Variants in KSR2 observed in about 807,000 individuals in gnomAD.
The protein encoded by KSR2 is kinase suppressor of ras 2.
Under a neutral mutation model 107.8 loss-of-function variants are expected in KSR2, and 25 were observed. The observed-to-expected ratio is 0.23, with a 90% CI of 0.17 to 0.32. The LOEUF (loss-of-function observed/expected upper bound fraction) is 0.32, where lower values mean the gene tolerates loss of function less well. KSR2 is among the 10% of genes least tolerant of loss of function. The probability of loss-of-function intolerance (pLI) is 1.00; values close to 1 mark genes in which losing one functional copy is unlikely to be tolerated. For missense variants in KSR2, 887 were observed against 1,268.9 expected (o/e 0.70, Z 4.57); for synonymous variants, 480 against 507.0 (o/e 0.95, Z 0.71).
At chr12:117,492,623 G>A (rs1592924854) in intron 14 of KSR2, among the ~76,000 whole-genome samples, 1 of 152,226 alleles carries the variant, frequency 6.6e-6, no homozygotes, top group Non-Finnish European at 1.5e-5. Context: ...TGGAACTGGT[G>A]AAAATTTACC....
intron 4 of KSR2, among the ~76,000 whole-genome samples, chr12:117,753,398 A>G (rs1297619601): frequency 6.6e-6 from 1 of 152,196 alleles, no homozygotes; most frequent in Non-Finnish European, 1.5e-5. Flanking sequence ...AGGTGATTTC[A>G]GCCCCATTGA....
In KSR2 at chr12:117,501,730, T is replaced by A. The variant is rs140695385; in HGVS notation, c.2220-16039A>T. Among the ~76,000 whole-genome samples, 306 of 152,344 alleles carry A rather than the reference T, an allele frequency of 2.0e-3. 1 individual carries two copies. Among genetic ancestry groups the A allele is most frequent in the African/African-American group, 7.0e-3 (293 of 41,580 alleles). ...AAATAAGGGAGCTTATCTGCAAGCC[T>A]GTGTTACGCAAGGTGGAGACAGACT... On this transcript the variant is annotated intron_variant, in intron 14 of 19. Coordinates refer to ENST00000339824, the MANE Select transcript of KSR2 (RefSeq NM_173598.6).
At chr12:117,922,924 C>G (rs762466381) in intron 1 of KSR2, among the ~76,000 whole-genome samples, 6 of 152,214 alleles carry the variant, frequency 3.9e-5, no homozygotes, top group Non-Finnish European at 8.8e-5. Context: ...TCACGGTCAT[C>G]TGGGGACATA....
At chr12:117,912,670 C>T (rs866953849) in intron 1 of KSR2, among the ~76,000 whole-genome samples, 4 of 152,266 alleles carry the variant, frequency 2.6e-5, no homozygotes, top group Middle Eastern at 3.4e-3. Context: ...GGTGGGATTA[C>T]GGGACTCTGT....
intron 2 of KSR2, among the ~76,000 whole-genome samples, chr12:117,858,858 G>A (rs1893187145): frequency 1.3e-5 from 2 of 152,324 alleles, no homozygotes; most frequent in East Asian, 3.9e-4. Flanking sequence ...TTGCGAGGAG[G>A]CTGAACAGTC....
At chr12:117,866,038 C>CTTT (rs397838492) in intron 1 of KSR2, among the ~76,000 whole-genome samples, 3 of 124,232 alleles carry the variant, frequency 2.4e-5, no homozygotes, top group African/African-American at 8.9e-5. Flanking sequence ...TAATCTCTCT[C>CTTT]TTTTTTTTTT....
chr12:117,505,754 T>C (rs1347136207), intron 14 of KSR2, among the ~76,000 whole-genome samples: 1 of 152,222 alleles, frequency 6.6e-6, no homozygotes, highest in African/African-American at 2.4e-5. Context: ...ATTTGAAGTT[T>C]TGCAAATGTG....
At chr12:117,580,774 G>A (rs376764491) in intron 6 of KSR2, among the ~76,000 whole-genome samples, 8 of 152,190 alleles carry the variant, frequency 5.3e-5, no homozygotes, top group African/African-American at 1.9e-4. Context: ...GAGCCTGGGG[G>A]CTGGACGATC....
chr12:117,849,374 C>G (rs1352807447), intron 3 of KSR2, among the ~76,000 whole-genome samples: 2 of 152,172 alleles, frequency 1.3e-5, no homozygotes, highest in Non-Finnish European at 2.9e-5. Context: ...ATCAGAAGAG[C>G]ACCTGGCATA....
chr12:117,489,530 C>T (rs973628572), intron 14 of KSR2, among the ~76,000 whole-genome samples: 9 of 126,662 alleles, frequency 7.1e-5, no homozygotes, highest in Non-Finnish European at 1.4e-4. Context: ...CTGGGTGACA[C>T]AGAGTGAGAC....
Position 117,966,611 on chromosome 12 carries a change from T to TCACACACA in KSR2, c.180+1464_180+1465insTGTGTGTG, listed in dbSNP as rs1377075943. On this transcript the variant is annotated intron_variant, in intron 1 of 19. Coordinates refer to ENST00000339824, the MANE Select transcript of KSR2 (RefSeq NM_173598.6). ...ACAGCATGTTCTCTCTCTCTCTCTCTCACACGCGCACGCACACACACACAC... is the reference window on the plus strand; with the variant it reads ...ACAGCATGTTCTCTCTCTCTCTCTCTCACACACACACACGCGCACGCACACACACACAC... 1.6e-3 allele frequency among the ~76,000 whole-genome samples: 122 copies of TCACACACA among 77,250 alleles called. 1 individual carries two copies. Among genetic ancestry groups the TCACACACA allele is most frequent in the African/African-American group, 5.9e-3 (120 of 20,320 alleles). The allele number at this position is 77,250 out of a possible 152,430, so 50.7% of individuals were successfully genotyped here.
At chr12:117,878,059 C>T (rs1288224700) in intron 1 of KSR2, among the ~76,000 whole-genome samples, 3 of 148,518 alleles carry the variant, frequency 2.0e-5, no homozygotes, top group Non-Finnish European at 4.5e-5. Context: ...GTGGAGAGGG[C>T]AGCTTTGAGT....
chr12:117,855,687 T>G, intron 2 of KSR2, 109 bp from the exon 3 acceptor site: 1 of 1,097,374 alleles, frequency 9.1e-7, no homozygotes, highest in South Asian at 1.4e-5. Context: ...GTAAACGCTT[T>G]GCATGACAGT....
At chr12:117,496,052 CAAAAAAA>C (rs33974181) in intron 14 of KSR2, among the ~76,000 whole-genome samples, 2 of 113,222 alleles carry the variant, frequency 1.8e-5, no homozygotes, top group Admixed American at 9.2e-5. Context: ...GACTCCGTCT[CAAAAAAA>C]AAAAAAAAAA....
At chr12:117,500,271 G>A (rs1440474819) in intron 14 of KSR2, among the ~76,000 whole-genome samples, 1 of 152,176 alleles carries the variant, frequency 6.6e-6, no homozygotes, top group Admixed American at 6.5e-5. Context: ...CCAAGGTTGT[G>A]TTTAGAGTGA....
intron 4 of KSR2, among the ~76,000 whole-genome samples, chr12:117,754,428 G>A (rs886548343): frequency 2.0e-5 from 3 of 152,004 alleles, no homozygotes; most frequent in South Asian, 2.1e-4. Context: ...ACCTGAGGTC[G>A]GGAGTTCAAG....
chr12:117,531,784 GCCA>G (rs927667795), intron 10 of KSR2, 77 bp from the exon 11 acceptor site: 17 of 1,045,818 alleles, frequency 1.6e-5, no homozygotes, highest in Admixed American at 2.3e-5. Context: ...AGCTCTTACA[GCCA>G]CCACATGGTC....
At chr12:117,885,726 C>T (rs1009289453) in intron 1 of KSR2, among the ~76,000 whole-genome samples, 5 of 151,400 alleles carry the variant, frequency 3.3e-5, no homozygotes, top group South Asian at 2.1e-4. Context: ...AGGACTAATA[C>T]CTAATGCCTG....
intron 4 of KSR2, among the ~76,000 whole-genome samples, chr12:117,715,966 T>C (rs1886962583): frequency 6.6e-6 from 1 of 152,186 alleles, no homozygotes; most frequent in Admixed American, 6.5e-5. Flanking sequence ...CCCTGGAACA[T>C]GCTCCTCTAT....
Sources: allele counts gnomAD v4.1 joint callset (sites outside exome capture counted in the v4.1 genomes callset), GRCh38; gene constraint gnomAD v4.1.1; transcripts MANE v1.5; gene names NCBI Gene and HGNC (gene_info 2026-07-23, HGNC 2026-07-21).